Variants in AFDN observed in about 807,000 individuals in gnomAD.
AFDN encodes the protein afadin.
Under a neutral mutation model 216.6 loss-of-function variants are expected in AFDN, and 68 were observed. That is an observed-to-expected ratio of 0.31 (90% confidence interval 0.26 to 0.38). The LOEUF (loss-of-function observed/expected upper bound fraction) is 0.38, where lower values mean the gene tolerates loss of function less well. Ranked by LOEUF, AFDN falls within the 10% of genes least tolerant of loss-of-function variation. The probability of loss-of-function intolerance (pLI) is 1.00; values close to 1 mark genes in which losing one functional copy is unlikely to be tolerated. For missense variants in AFDN, 2,136 were observed against 2,342.0 expected (o/e 0.91, Z 1.82); for synonymous variants, 868 against 853.7 (o/e 1.02, Z -0.29).
chr6:167,917,339 TC>T, intron 20 of AFDN, 107 bp downstream of exon 20: 1 of 1,187,858 alleles, frequency 8.4e-7, no homozygotes. Context: ...ACTTATTTAT[TC>T]TCATCTTACA....
At chr6:167,834,344 T>C (rs1202094265) in intron 1 of AFDN, among the ~76,000 whole-genome samples, 1 of 152,110 alleles carries the variant, frequency 6.6e-6, no homozygotes, top group Non-Finnish European at 1.5e-5. Flanking sequence ...AGCGAGAACA[T>C]ATGTTTGGTT....
In AFDN at chr6:167,907,297, A is replaced by G. The variant is rs762431263; in HGVS notation, c.1769+8A>G. ...TCGCAGGCAAGAAAGCAGGTAGGAA[A>G]CACATCATTTTTCAATGGTGAAAGT... On this transcript the variant is annotated splice_region_variant and intron_variant, in intron 13 of 33. Transcript: ENST00000683244. 4 of 1,604,522 alleles carry G rather than the reference A, an allele frequency of 2.5e-6. No individual in the cohort carries two copies. Among genetic ancestry groups the G allele is most frequent in the South Asian group, 1.1e-5 (1 of 90,788 alleles).
chr6:167,929,412 A>G (rs1792993860), intron 23 of AFDN, among the ~76,000 whole-genome samples: 2 of 152,244 alleles, frequency 1.3e-5, no homozygotes, highest in Admixed American at 1.3e-4. Flanking sequence ...AAAAAGATGG[A>G]CCTTTCACCA....
At chr6:167,935,077 T>C (rs1224808295) in intron 23 of AFDN, among the ~76,000 whole-genome samples, 1 of 152,208 alleles carries the variant, frequency 6.6e-6, no homozygotes, top group East Asian at 1.9e-4. Flanking sequence ...TTCTCTCTTG[T>C]AGCTCGTTCT....
At chr6:167,845,454 A>G (rs896960459) in intron 1 of AFDN, among the ~76,000 whole-genome samples, 8 of 151,120 alleles carry the variant, frequency 5.3e-5, no homozygotes, top group South Asian at 4.2e-4. Context: ...TTGGAGTGCA[A>G]TGGCGCGATC....
chr6:167,951,655 A>T lies in AFDN; in HGVS notation c.4301A>T (p.Glu1434Val), dbSNP rs1795998244. The change falls in exon 30 of 34, where the codon GAG (glutamate) becomes GTG (valine). Residue 1434 changes from glutamate to valine, a missense_variant. By Grantham distance (121) the Glu-to-Val change is moderately radical. Transcript: ENST00000683244. This position sits in a 1 kb window ranked among gnomAD's most constrained non-coding sequence, Gnocchi z 7.1. ...TATGAGAAGGAGAAGGCCCGCCTGG[A>T]GGAGGAGCGGGAGAGGAAGCGGAGA... is the stretch of plus-strand genomic sequence containing the variant. ...RWYEKEKARL[E>V]EERERKRREQ... is the part of the protein sequence containing the mutation. 1 of 1,613,944 alleles carries T rather than the reference A, an allele frequency of 6.2e-7. No individual in the cohort carries two copies. Among genetic ancestry groups the T allele is most frequent in the African/African-American group, 1.3e-5 (1 of 74,938 alleles).
intron 19 of AFDN, among the ~76,000 whole-genome samples, chr6:167,916,762 T>C (rs1244139947): frequency 6.6e-6 from 1 of 152,176 alleles, no homozygotes; most frequent in African/African-American, 2.4e-5. Context: ...ATGAAACTAT[T>C]CATACACCAG....
Position 167,925,045 on chromosome 6 carries a change from C to G in AFDN, c.3053C>G (p.Thr1018Ser). Residue 1018 changes from threonine (T) to serine (S), a missense_variant, in exon 23 of 34, where the codon ACC (threonine) becomes AGC (serine). Coordinates refer to ENST00000683244, the MANE Select transcript of AFDN (RefSeq NM_001386888.1). ...LRKEPEIITVTLKKQNGMGLS... is the reference protein window; with the variant it reads ...LRKEPEIITVSLKKQNGMGLS... ...AAAGAACCTGAAATAATCACTGTGA[C>G]CCTAAAAAAGCAGAATGGAATGGGC... 1 of 1,613,914 alleles carries G rather than the reference C, an allele frequency of 6.2e-7. No homozygotes were observed. Among genetic ancestry groups the G allele is most frequent in the Non-Finnish European group, 8.5e-7 (1 of 1,179,826 alleles).
intron 19 of AFDN, among the ~76,000 whole-genome samples, chr6:167,916,413 A>G (rs1313237403): frequency 6.6e-6 from 1 of 152,188 alleles, no homozygotes; most frequent in Non-Finnish European, 1.5e-5. Flanking sequence ...AGTGGACTGT[A>G]AATATCCTTA....
chr6:167,916,104 G>A (rs1791027373), intron 19 of AFDN, among the ~76,000 whole-genome samples: 1 of 152,180 alleles, frequency 6.6e-6, no homozygotes, highest in South Asian at 2.1e-4. Context: ...TCTGAGGAAA[G>A]GATCTGTTTC....
intron 1 of AFDN, chr6:167,863,904 C>G (rs1783867174): frequency 2.4e-6 from 1 of 413,924 alleles, no homozygotes; most frequent in African/African-American, 2.0e-5. Context: ...AGTACTTGTG[C>G]TTTTTGCCAT....
chr6:167,865,094 G>A (rs1319708194), intron 2 of AFDN, among the ~76,000 whole-genome samples: 1 of 32,614 alleles, frequency 3.1e-5, no homozygotes, highest in African/African-American at 2.4e-4. Flanking sequence ...TGGCTCTTAT[G>A]TAGAGATTAT....
chr6:167,901,844 G>A (rs1421986802), intron 11 of AFDN, among the ~76,000 whole-genome samples: 1 of 151,728 alleles, frequency 6.6e-6, no homozygotes, highest in Non-Finnish European at 1.5e-5. Context: ...GTAATCCCCA[G>A]CACTTTGGGA....
chr6:167,892,395 A>G (rs1272482117), intron 8 of AFDN, among the ~76,000 whole-genome samples: 1 of 152,190 alleles, frequency 6.6e-6, no homozygotes, highest in Non-Finnish European at 1.5e-5. Context: ...AGCAGCCATT[A>G]GTTTTTGAAC....
chr6:167,831,290 C>G (rs1247517855), intron 1 of AFDN, among the ~76,000 whole-genome samples: 1 of 152,146 alleles, frequency 6.6e-6, no homozygotes, highest in Non-Finnish European at 1.5e-5. Flanking sequence ...TTTCTGGTGA[C>G]TGATGTTTTA....
chr6:167,829,268 A>G (rs1779562556), intron 1 of AFDN, among the ~76,000 whole-genome samples: 1 of 152,012 alleles, frequency 6.6e-6, no homozygotes, highest in Non-Finnish European at 1.5e-5. Flanking sequence ...TCACATTTCT[A>G]TTTTGTTTTC....
chr6:167,895,577 T>C (rs970936095), intron 9 of AFDN, among the ~76,000 whole-genome samples: 5 of 152,186 alleles, frequency 3.3e-5, no homozygotes, highest in African/African-American at 1.2e-4. Flanking sequence ...ATTTCAGAAA[T>C]AGAAAATTTT....
chr6:167,836,195 CT>C (rs1223652895), intron 1 of AFDN, among the ~76,000 whole-genome samples: 1 of 152,210 alleles, frequency 6.6e-6, no homozygotes, highest in Non-Finnish European at 1.5e-5. Context: ...GCCACACCTA[CT>C]TATGGGACAT....
intron 7 of AFDN, among the ~76,000 whole-genome samples, chr6:167,889,886 CTG>C (rs1360286331): frequency 1.1e-4 from 16 of 152,224 alleles, no homozygotes; most frequent in Non-Finnish European, 1.5e-5. Flanking sequence ...ACTAGATTAA[CTG>C]TGTGATGTTT....
Sources: gnomAD v4.1 joint callset for allele counts (sites outside exome capture counted in the v4.1 genomes callset) on GRCh38, gnomAD v4.1.1 for gene constraint, Gnocchi (gnomAD v3.1) non-coding constraint, MANE v1.5 for transcripts, NCBI Gene and HGNC (gene_info 2026-07-23, HGNC 2026-07-21) for gene names.